ZSWIM6: variants seen among roughly 807,000 people sequenced by gnomAD.
ZSWIM6 encodes zinc finger SWIM-type containing 6.
In ZSWIM6, 9 loss-of-function variants were observed where a neutral mutation model predicts 113.2. That is an observed-to-expected ratio of 0.08 (90% CI 0.05 to 0.14). The LOEUF (loss-of-function observed/expected upper bound fraction) is 0.14, where lower values mean the gene tolerates loss of function less well. Ranked by LOEUF, ZSWIM6 falls within the 10% of genes least tolerant of loss-of-function variation. The probability of loss-of-function intolerance (pLI) is 1.00; values close to 1 mark genes in which losing one functional copy is unlikely to be tolerated. For synonymous variants in ZSWIM6, 611 were observed against 606.5 expected (o/e 1.01, Z -0.11); for missense variants, 1,162 against 1,552.2 (o/e 0.75, Z 4.22).
intron 4 of ZSWIM6, among the ~76,000 whole-genome samples, chr5:61,508,894 A>G (rs762790292): frequency 6.6e-6 from 1 of 152,156 alleles, no homozygotes; most frequent in Non-Finnish European, 1.5e-5. Context: ...GAAAGGGGAG[A>G]GGAGAGAGAG....
chr5:61,375,801 A>G lies in ZSWIM6; in HGVS notation c.676+42853A>G, dbSNP rs1745363904. On this transcript the variant is annotated intron_variant, in intron 1 of 13. Transcript: ENST00000252744. ...CAAAAAAGAAAAAGAAGCATAAGAAACACAGTAAGAAGAAGAAAAAGAAGG... is the reference window on the plus strand; with the variant it reads ...CAAAAAAGAAAAAGAAGCATAAGAAGCACAGTAAGAAGAAGAAAAAGAAGG... 3.6e-6 allele frequency: 5 copies of G among 1,388,326 alleles called. No homozygotes were observed. The Admixed American group carries it at 9.9e-5, about 27-fold the overall frequency. 86.0% of individuals were successfully genotyped at this position (1,388,326 alleles called of 1,614,324 possible).
chr5:61,473,047 G>C lies in ZSWIM6; in HGVS notation c.1033+10G>C. 1.4e-6 allele frequency: 2 copies of C among 1,421,248 alleles called. No individual in the cohort carries two copies. The highest frequency in any genetic ancestry group is 1.9e-6 in the Non-Finnish European group (2 of 1,067,090). 88.0% of individuals were successfully genotyped at this position (1,421,248 alleles called of 1,614,324 possible). ...ATCAACCAAGTTCATGGTGAGTATAGACATTGACTCTTTAAATTTCCTCTC... is the reference window on the plus strand; with the variant it reads ...ATCAACCAAGTTCATGGTGAGTATACACATTGACTCTTTAAATTTCCTCTC... On this transcript the variant is annotated intron_variant, in intron 2 of 13. Transcript: ENST00000252744.
chr5:61,452,509 G>A (rs972684801), intron 1 of ZSWIM6, among the ~76,000 whole-genome samples: 1 of 152,288 alleles, frequency 6.6e-6, no homozygotes, highest in South Asian at 2.1e-4. Flanking sequence ...TGACCCTGCA[G>A]ATGTTTGTGG....
At chr5:61,377,176 T>G (rs1325095905) in intron 1 of ZSWIM6, among the ~76,000 whole-genome samples, 1 of 152,196 alleles carries the variant, frequency 6.6e-6, no homozygotes, top group African/African-American at 2.4e-5. Flanking sequence ...AGTAGCATTT[T>G]AAATCAGTGA....
At chr5:61,401,014 G>C (rs927763103) in intron 1 of ZSWIM6, among the ~76,000 whole-genome samples, 5 of 152,008 alleles carry the variant, frequency 3.3e-5, no homozygotes, top group African/African-American at 4.8e-5. Flanking sequence ...TTAATTTATC[G>C]TCTTCTGTTT....
chr5:61,425,494 G>T (rs1373025541), intron 1 of ZSWIM6, among the ~76,000 whole-genome samples: 1 of 152,152 alleles, frequency 6.6e-6, no homozygotes, highest in Non-Finnish European at 1.5e-5. Flanking sequence ...CGTGGTTCTA[G>T]ACTATAATTC....
At chr5:61,515,436 G>A (rs942303912) in intron 4 of ZSWIM6, among the ~76,000 whole-genome samples, 1 of 152,086 alleles carries the variant, frequency 6.6e-6, no homozygotes, top group Non-Finnish European at 1.5e-5. Context: ...CCTTCTTGCT[G>A]CATCATTCCA....
intron 1 of ZSWIM6, among the ~76,000 whole-genome samples, chr5:61,469,519 T>C (rs535291568): frequency 7.9e-5 from 12 of 152,256 alleles, no homozygotes; most frequent in Non-Finnish European, 1.8e-4. Context: ...TAAAAAACTT[T>C]ACAAGAATAG....
intron 5 of ZSWIM6, among the ~76,000 whole-genome samples, 178 bp from the exon 6 acceptor site, chr5:61,525,622 G>C (rs947203379): frequency 1.3e-5 from 2 of 152,114 alleles, no homozygotes; most frequent in African/African-American, 2.4e-5. Flanking sequence ...TGGCTCTTGG[G>C]CTGACCTGCC....
At chr5:61,357,605 G>A (rs1205818529) in intron 1 of ZSWIM6, among the ~76,000 whole-genome samples, 1 of 151,558 alleles carries the variant, frequency 6.6e-6, no homozygotes, top group Non-Finnish European at 1.5e-5. Context: ...GTCTGGCAGT[G>A]ATCAGCTCAC....
chr5:61,543,532 A>G lies in ZSWIM6; in HGVS notation c.2863A>G (p.Thr955Ala). Residue 955 changes from threonine (T) to alanine (A), a missense_variant, in exon 14 of 14, where the codon ACT becomes GCT. Thr to Ala is a moderately conservative substitution (Grantham distance 58, BLOSUM62 0). This residue lies in a region of ZSWIM6 where 620 missense variants were observed against 804.6 expected (regional missense o/e 0.77). Transcript: ENST00000252744. The surrounding 1 kb of genome is among the most constrained non-coding windows in gnomAD (Gnocchi z 4.3). ...TPTEATSIVA[T>A]TVMSNSTIVR... is the part of the protein sequence containing the mutation. Reference sequence around the variant, plus strand: ...CACCGAGGCCACAAGTATAGTTGCAACTACCGTGATGTCCAACAGCACCAT... The same window carrying G: ...CACCGAGGCCACAAGTATAGTTGCAGCTACCGTGATGTCCAACAGCACCAT... The G allele has an allele frequency of 6.4e-7, 1 of 1,551,618 alleles. No individual in the cohort carries two copies. Among genetic ancestry groups the G allele is most frequent in the Non-Finnish European group, 8.7e-7 (1 of 1,146,992 alleles).
intron 1 of ZSWIM6, among the ~76,000 whole-genome samples, chr5:61,354,586 A>T (rs1435838463): frequency 1.3e-5 from 2 of 152,222 alleles, no homozygotes; most frequent in South Asian, 2.1e-4. Flanking sequence ...CAAGAGTTTT[A>T]TGTGCAAAAG....
chr5:61,460,372 T>G (rs911435658), intron 1 of ZSWIM6, among the ~76,000 whole-genome samples: 3 of 152,190 alleles, frequency 2.0e-5, no homozygotes, highest in African/African-American at 7.2e-5. Flanking sequence ...TAGAGCTCAT[T>G]AGGTGTCCTG....
chr5:61,531,785 C>G (rs1749441767), intron 9 of ZSWIM6, 60 bp downstream of exon 9: 1 of 1,522,210 alleles, frequency 6.6e-7, no homozygotes, highest in Non-Finnish European at 8.9e-7. Context: ...GCTAATCTTT[C>G]TTATGTTAAA....
chr5:61,386,414 G>A (rs1745593603), intron 1 of ZSWIM6, among the ~76,000 whole-genome samples: 1 of 152,226 alleles, frequency 6.6e-6, no homozygotes, highest in Non-Finnish European at 1.5e-5. Flanking sequence ...TTTGGAGCAG[G>A]TGTGGAGCAA....
intron 11 of ZSWIM6, 116 bp downstream of exon 11, chr5:61,539,087 G>A (rs893459079): frequency 8.4e-7 from 1 of 1,190,582 alleles, no homozygotes; most frequent in South Asian, 2.4e-5. Context: ...TAGGTTGAAG[G>A]GATCTTTTTC....
intron 1 of ZSWIM6, among the ~76,000 whole-genome samples, chr5:61,426,024 C>T (rs1304273745): frequency 6.6e-6 from 1 of 152,076 alleles, no homozygotes; most frequent in Admixed American, 6.5e-5. Context: ...TAACAAAATG[C>T]CTTCTAGAAG....
At chr5:61,491,714 T>G (rs1748182094) in intron 3 of ZSWIM6, among the ~76,000 whole-genome samples, 1 of 152,130 alleles carries the variant, frequency 6.6e-6, no homozygotes, top group Non-Finnish European at 1.5e-5. Flanking sequence ...GGTATAGTCA[T>G]CATTATGATT....
chr5:61,355,482 ACACACACACACACACT>A (rs1424322389), intron 1 of ZSWIM6, among the ~76,000 whole-genome samples: 10 of 129,766 alleles, frequency 7.7e-5, no homozygotes, highest in African/African-American at 2.7e-4. Context: ...ACACACACAC[ACACACACACACACACT>A]ATTAGATGGC....
Sources: allele counts gnomAD v4.1 joint callset (sites outside exome capture counted in the v4.1 genomes callset), GRCh38; gene constraint gnomAD v4.1.1; regional missense constraint gnomAD v4.1.1; non-coding constraint Gnocchi (gnomAD v3.1); transcripts MANE v1.5; gene names NCBI Gene and HGNC (gene_info 2026-07-23, HGNC 2026-07-21).